Variants in TBC1D26 observed in about 807,000 individuals in gnomAD.
TBC1D26 encodes TBC1 domain family, member 26.
In TBC1D26, 19 loss-of-function variants were observed where a neutral mutation model predicts 42.5. The observed-to-expected ratio is 0.45, with a 90% CI of 0.31 to 0.66. The LOEUF (loss-of-function observed/expected upper bound fraction) is 0.66. Ranked by LOEUF, TBC1D26 falls within the 30% of genes least tolerant of loss-of-function variation. The pLI is 0.06. For synonymous variants in TBC1D26, 97 were observed against 123.5 expected (o/e 0.79, Z 1.42); for missense variants, 228 against 332.6 (o/e 0.69, Z 2.45).
At chr17:15,733,755 A>G (rs1454518915) in intron 1 of TBC1D26, 1 of 152,264 alleles carries the variant, frequency 6.6e-6, no homozygotes, top group African/African-American at 2.4e-5. Flanking sequence ...GACCTGGGCA[A>G]TGGCCCATTA....
intron 9 of TBC1D26, 37 bp from the exon 10 acceptor site, chr17:15,741,085 A>T: frequency 6.2e-7 from 1 of 1,602,828 alleles, no homozygotes; most frequent in Admixed American, 1.7e-5. Flanking sequence ...CAGTCCTCCT[A>T]GGTGACATCT....
At chr17:15,735,317 G>A (rs745627452) in intron 2 of TBC1D26, 31 bp from the exon 3 acceptor site, 20 of 1,610,122 alleles carry the variant, frequency 1.2e-5, no homozygotes, top group Admixed American at 5.0e-5. Context: ...TCTTGGGTGC[G>A]GGAGAGCCTT....
rs562132042 is a variant in TBC1D26 at position 15,734,951 on chromosome 17, C to A, written c.-121C>A. On this transcript the variant is annotated 5_prime_UTR_variant, in exon 2 of 15. Transcript: ENST00000437605. ...ACAGAAAACTGATTATATTCCTGGT[C>A]CCTGAACGATCCTATAGAGACATCC... 2 of 245,928 alleles carry A rather than the reference C, an allele frequency of 8.1e-6. No individual in the cohort carries two copies. Among genetic ancestry groups the A allele is most frequent in the Admixed American group, 9.9e-5 (2 of 20,112 alleles). 15.2% of individuals were successfully genotyped at this position (245,928 alleles called of 1,614,324 possible).
At position 15,732,891 on chromosome 17, in the gene TBC1D26, G is replaced by T. The variant is rs114415912; in HGVS notation, c.-143+507G>T. ...TCCGTGGGACCCAGTGGACACATGGGGTCCCTTGTCTGGGAGTAGGGAGCC... is the reference window on the plus strand; with the variant it reads ...TCCGTGGGACCCAGTGGACACATGGTGTCCCTTGTCTGGGAGTAGGGAGCC... On this transcript the variant is annotated intron_variant, in intron 1 of 14. Transcript: ENST00000437605. Among the ~76,000 whole-genome samples, 958 of 152,262 alleles carry T rather than the reference G, an allele frequency of 6.3e-3. 16 individuals are homozygous for T. Among genetic ancestry groups the T allele is most frequent in the African/African-American group, 0.022 (912 of 41,552 alleles).
At chr17:15,744,052 G>T (rs557992815) in intron 14 of TBC1D26, among the ~76,000 whole-genome samples, 191 bp from the exon 15 acceptor site, 3 of 151,980 alleles carry the variant, frequency 2.0e-5, no homozygotes, top group Non-Finnish European at 2.9e-5. Context: ...CAGATTCGAA[G>T]ATGAGGCCAA....
chr17:15,736,920 G>T (rs1299401332), intron 4 of TBC1D26, among the ~76,000 whole-genome samples: 3 of 152,260 alleles, frequency 2.0e-5, no homozygotes, highest in Admixed American at 6.5e-5. Context: ...CAGGATGGGG[G>T]AAGATGGGGA....
intron 9 of TBC1D26, 161 bp from the exon 10 acceptor site, chr17:15,740,961 G>T (rs1967759487): frequency 1.1e-6 from 1 of 919,592 alleles, no homozygotes; most frequent in East Asian, 2.6e-5. Context: ...CAGTCCTCAT[G>T]TCCAGTGCCA....
chr17:15,737,135 C>G (rs1159194201), intron 4 of TBC1D26, among the ~76,000 whole-genome samples: 2 of 151,786 alleles, frequency 1.3e-5, no homozygotes, highest in Admixed American at 6.6e-5. Flanking sequence ...GCTTGGCCAC[C>G]CACCCTGGGT....
At chr17:15,740,077 AC>A in intron 8 of TBC1D26, 22 bp from the exon 9 acceptor site, 2 of 1,582,570 alleles carry the variant, frequency 1.3e-6, no homozygotes, top group Non-Finnish European at 1.7e-6. Flanking sequence ...CAAAAAAAAA[AC>A]CCTCTTTCCC....
chr17:15,743,585 C>A, intron 14 of TBC1D26, 69 bp downstream of exon 14: 1 of 547,786 alleles, frequency 1.8e-6, no homozygotes, highest in Non-Finnish European at 2.3e-6. Context: ...AGTGCCGTGG[C>A]CCCGCCAGCC....
rs1406455309 is a variant in TBC1D26, at chr17:15,737,509, G to C, written c.184G>C (p.Ala62Pro). Residue 62 changes from alanine (A) to proline (P), a missense_variant, in exon 5 of 15, where the codon GCC becomes CCC. Around this residue, in one of 5 missense-constraint regions of TBC1D26, gnomAD observed 72 missense variants for 90.1 expected, o/e 0.80. Coordinates refer to ENST00000437605, the MANE Select transcript of TBC1D26 (RefSeq NM_001388465.1). ...VHEMELPHVS[A>P]LEVKQRRKES... is the part of the protein sequence containing the mutation. ...TGAGATGGAGCTGCCCCACGTCAGT[G>C]CCCTGGAGGTGAAGGTAAGAGCCTG... 7.0e-7 allele frequency: 1 copy of C among 1,429,760 alleles called. No homozygotes were observed. The highest frequency in any genetic ancestry group is 1.4e-5 in the African/African-American group (1 of 70,072). The allele number at this position is 1,429,760 out of a possible 1,614,324, so 88.6% of individuals were successfully genotyped here.
At chr17:15,744,043 A>G (rs1967859278) in intron 14 of TBC1D26, among the ~76,000 whole-genome samples, 200 bp from the exon 15 acceptor site, 4 of 152,010 alleles carry the variant, frequency 2.6e-5, no homozygotes, top group Non-Finnish European at 5.9e-5. Context: ...CAGAGGCTTC[A>G]GATTCGAAGA....
intron 1 of TBC1D26, chr17:15,734,039 C>G (rs1473913321): frequency 6.6e-6 from 1 of 152,274 alleles, no homozygotes; most frequent in African/African-American, 2.4e-5. Context: ...TTTGTCCTCA[C>G]AGAAACTCTG....
chr17:15,742,159 G>T, intron 11 of TBC1D26, 123 bp downstream of exon 11: 1 of 793,248 alleles, frequency 1.3e-6, no homozygotes, highest in Admixed American at 2.8e-5. Flanking sequence ...CCTGGGATGG[G>T]GATTCCCCAT....
chr17:15,733,427 G>C (rs1597752011), intron 1 of TBC1D26, among the ~76,000 whole-genome samples: 1 of 152,176 alleles, frequency 6.6e-6, no homozygotes, highest in East Asian at 1.9e-4. Flanking sequence ...GTCTAGCTGA[G>C]TTCCCCCTAA....
chr17:15,738,487 G>A (rs1967685143), intron 7 of TBC1D26, 100 bp downstream of exon 7: 1 of 1,451,572 alleles, frequency 6.9e-7, no homozygotes, highest in Non-Finnish European at 9.5e-7. Context: ...GGTTGGGAGT[G>A]GGGGCTGTGG....
chr17:15,738,314 C>T lies in TBC1D26; in HGVS notation c.314C>T (p.Ala105Val), dbSNP rs780362130. The change falls in exon 7 of 15, where the codon GCG (alanine) becomes GTG (valine). Residue 105 changes from alanine (A) to valine (V), a missense_variant. Coordinates refer to ENST00000437605, the MANE Select transcript of TBC1D26 (RefSeq NM_001388465.1). The part of the protein sequence containing the change: ...SQRVYKVIPL[A>V]VRGRAWSLLL... ...AGAGTATACAAAGTCATTCCCCTGGCGGTACGGGGCCGGGCGTGGTCACTT... is the reference window on the plus strand; with the variant it reads ...AGAGTATACAAAGTCATTCCCCTGGTGGTACGGGGCCGGGCGTGGTCACTT... The T allele has an allele frequency of 3.7e-5, 60 of 1,613,546 alleles. 1 individual carries two copies. The highest frequency in any genetic ancestry group is 1.6e-4 in the Middle Eastern group (1 of 6,084).
intron 1 of TBC1D26, chr17:15,733,709 C>A (rs1967537324): frequency 6.6e-6 from 1 of 152,256 alleles, no homozygotes; most frequent in Non-Finnish European, 1.5e-5. Flanking sequence ...ATTTTGACAC[C>A]TTAGGGGCTG....
intron 9 of TBC1D26, chr17:15,740,599 G>T: frequency 9.2e-7 from 1 of 1,089,336 alleles, no homozygotes; most frequent in Non-Finnish European, 1.1e-6. Context: ...GGTCACCCAG[G>T]TGGCTGTTCC....
Sources: allele counts gnomAD v4.1 joint callset (sites outside exome capture counted in the v4.1 genomes callset), GRCh38; gene constraint gnomAD v4.1.1; regional missense constraint gnomAD v4.1.1; transcripts MANE v1.5; gene names NCBI Gene and HGNC (gene_info 2026-07-23, HGNC 2026-07-21).